The following MXRA7 variants were observed in gnomAD, a reference collection of about 807,000 sequenced individuals.
The protein encoded by MXRA7 is matrix remodeling associated 7.
A neutral mutation model predicts 17.4 loss-of-function variants in MXRA7; 18 were observed. The ratio of observed to expected loss-of-function variants is 1.03; its 90% CI spans 0.71 to 1.53. The LOEUF (loss-of-function observed/expected upper bound fraction) is 1.53. Ranked by LOEUF, MXRA7 falls within the 40% of genes most tolerant of loss-of-function variation. MXRA7 has a pLI of 0.00. For missense variants in MXRA7, 141 were observed against 209.3 expected (o/e 0.67, Z 2.01); for synonymous variants, 70 against 101.7 (o/e 0.69, Z 1.87).
intron 1 of MXRA7, among the ~76,000 whole-genome samples, chr17:76,691,399 G>C (rs866381200): frequency 6.6e-6 from 1 of 152,110 alleles, no homozygotes; most frequent in African/African-American, 2.4e-5. Context: ...CCTGAGCTCC[G>C]TAAGACGCTG....
At chr17:76,699,815 T>G (rs2076571953) in intron 1 of MXRA7, among the ~76,000 whole-genome samples, 1 of 152,160 alleles carries the variant, frequency 6.6e-6, no homozygotes, top group Non-Finnish European at 1.5e-5. Context: ...TACCCTAGGT[T>G]TGCAGAGACT....
chr17:76,688,828 G>T, intron 1 of MXRA7: 1 of 486,490 alleles, frequency 2.1e-6, no homozygotes, highest in Non-Finnish European at 3.2e-6. Context: ...GGGATTGAAG[G>T]TCATGGGGAG....
Position 76,681,400 on chromosome 17 carries a change from T to G in MXRA7, c.501-521A>C, listed in dbSNP as rs900583274. Among the ~76,000 whole-genome samples the G allele has an allele frequency of 1.3e-5, 2 of 151,974 alleles. No homozygotes were observed. Among genetic ancestry groups the G allele is most frequent in the Non-Finnish European group, 2.9e-5 (2 of 67,976 alleles). ...ACTGAGAACCCAGCAGGTCTGATCT[T>G]GTCCCTCTGACGCCCTCTCCTGGTG... On this transcript the variant is annotated intron_variant, in intron 3 of 3. Coordinates refer to ENST00000449428, the MANE Select transcript of MXRA7 (RefSeq NM_198530.4). The surrounding 1 kb of genome is among the most constrained non-coding windows in gnomAD (Gnocchi z 4.7).
At chr17:76,701,869 G>C (rs1374891027) in intron 1 of MXRA7, among the ~76,000 whole-genome samples, 1 of 152,188 alleles carries the variant, frequency 6.6e-6, no homozygotes, top group Non-Finnish European at 1.5e-5. Context: ...TTGCTCAGAT[G>C]ACTGGAGCAT....
intron 1 of MXRA7, among the ~76,000 whole-genome samples, chr17:76,696,751 C>T (rs1031176759): frequency 1.3e-5 from 2 of 152,030 alleles, no homozygotes; most frequent in East Asian, 1.9e-4. Flanking sequence ...TTCAGCTCAG[C>T]GTTGAATGAA....
At position 76,681,481 on chromosome 17, in the gene MXRA7, T is replaced by C. The variant is rs1341384656; in HGVS notation, c.501-602A>G. ...CTGGAAATTCACACTGGCAGGTCTA[T>C]TGTCTGTAGTTTCTTGCATACATCA... On this transcript the variant is annotated intron_variant, in intron 3 of 3. Coordinates refer to ENST00000449428, the MANE Select transcript of MXRA7 (RefSeq NM_198530.4). This position sits in a 1 kb window ranked among gnomAD's most constrained non-coding sequence, Gnocchi z 4.7. Among the ~76,000 whole-genome samples, 5 of 152,116 alleles carry C rather than the reference T, an allele frequency of 3.3e-5. No homozygotes were observed. Among genetic ancestry groups the C allele is most frequent in the African/African-American group, 7.2e-5 (3 of 41,394 alleles).
chr17:76,677,654 G>C (rs775760875), downstream of MXRA7: 2 of 1,613,964 alleles, frequency 1.2e-6, no homozygotes, highest in Non-Finnish European at 1.7e-6. Context: ...ACGTCTCCTT[G>C]TTGTCTTTCA....
intron 1 of MXRA7, among the ~76,000 whole-genome samples, chr17:76,704,128 T>C (rs2076626454): frequency 6.6e-6 from 1 of 150,936 alleles, no homozygotes; most frequent in Non-Finnish European, 1.5e-5. Flanking sequence ...AAGATAGCAT[T>C]GCTTCTACCA....
chr17:76,680,344 C>T lies in MXRA7; in HGVS notation c.*523G>A. ...ATCTCACCCCCGACAACCAAGCCAG[C>T]CACAGAGAGAAGTGGGGTTCCCAGG... On this transcript the variant is annotated 3_prime_UTR_variant, in exon 4 of 4. Coordinates refer to ENST00000449428, the MANE Select transcript of MXRA7 (RefSeq NM_198530.4). 1.0e-6 allele frequency: 1 copy of T among 985,514 alleles called. No individual in the cohort carries two copies. The highest frequency in any genetic ancestry group is 1.2e-6 in the Non-Finnish European group (1 of 830,056). The allele number at this position is 985,514 out of a possible 1,614,324, so 61.0% of individuals were successfully genotyped here.
intron 2 of MXRA7, among the ~76,000 whole-genome samples, chr17:76,685,918 C>T (rs1221247345): frequency 1.3e-5 from 2 of 152,202 alleles, no homozygotes; most frequent in African/African-American, 4.8e-5. Flanking sequence ...GTTCCTGAAT[C>T]CAGCAGGTGT....
At position 76,685,024 on chromosome 17, in the gene MXRA7, C is replaced by T. The variant is rs201059015; in HGVS notation, c.500+48G>A. 355 of 1,520,308 alleles carry T rather than the reference C, an allele frequency of 2.3e-4. 5 individuals carry two copies. The East Asian group carries it at 5.3e-3, about 23-fold the overall frequency. 94.2% of individuals were successfully genotyped at this position (1,520,308 alleles called of 1,614,324 possible). On this transcript the variant is annotated intron_variant, in intron 3 of 3. Transcript: ENST00000449428. ...ACATGAAGGGCTCAGAGGGGCACCC[C>T]CCTCCCCCAAGAGCCCGCCAGGCGC...
At chr17:76,698,712 GTTTTTTTTTT>G (rs3078394) in intron 1 of MXRA7, among the ~76,000 whole-genome samples, 3 of 54,884 alleles carry the variant, frequency 5.5e-5, no homozygotes, top group Non-Finnish European at 6.8e-5. Context: ...CTTCCTTTCT[GTTTTTTTTTT>G]TTTTTTTTTT....
chr17:76,691,332 G>T (rs541347643), intron 1 of MXRA7, among the ~76,000 whole-genome samples: 9 of 152,310 alleles, frequency 5.9e-5, no homozygotes, highest in African/African-American at 2.2e-4. Flanking sequence ...CCATCTGGCT[G>T]TTCATCTGTA....
exon 4 of MXRA7, chr17:76,673,701 A>G (rs1190977228): frequency 2.0e-5 from 3 of 152,216 alleles, no homozygotes; most frequent in Non-Finnish European, 1.5e-5. Flanking sequence ...ATTAAAAAAA[A>G]AAAAGGAAAA....
intron 1 of MXRA7, among the ~76,000 whole-genome samples, chr17:76,707,291 C>T (rs1021452173): frequency 4.2e-5 from 4 of 96,092 alleles, no homozygotes; most frequent in African/African-American, 1.9e-4. Flanking sequence ...AGTCCCTACT[C>T]TTTTTTTTTT....
chr17:76,688,232 G>GT, intron 1 of MXRA7, 56 bp from the exon 2 acceptor site: 9 of 1,609,958 alleles, frequency 5.6e-6, no homozygotes, highest in Non-Finnish European at 7.6e-6. Context: ...ATGGGAAGTG[G>GT]TGGGGGGGCA....
intron 1 of MXRA7, among the ~76,000 whole-genome samples, chr17:76,710,351 G>A (rs35088455): frequency 0.82 from 124,749 of 152,158 alleles, 52,853 homozygotes; most frequent in Non-Finnish European, 0.92. Flanking sequence ...GCCGAGGGGA[G>A]GGGAGAGCAA....
At chr17:76,706,805 TTC>T (rs2076667154) in intron 1 of MXRA7, among the ~76,000 whole-genome samples, 1 of 152,252 alleles carries the variant, frequency 6.6e-6, no homozygotes, top group Non-Finnish European at 1.5e-5. Flanking sequence ...TGTTCCAACA[TTC>T]TCTTTTGAAA....
At chr17:76,683,904 G>C (rs2076348399) in intron 3 of MXRA7, 6 of 1,613,984 alleles carry the variant, frequency 3.7e-6, no homozygotes, top group Admixed American at 3.3e-5. Flanking sequence ...CTACAGGGAA[G>C]TGAGGTCAGA....
Sources: allele counts gnomAD v4.1 joint callset (sites outside exome capture counted in the v4.1 genomes callset), GRCh38; gene constraint gnomAD v4.1.1; non-coding constraint Gnocchi (gnomAD v3.1); transcripts MANE v1.5; gene names NCBI Gene and HGNC (gene_info 2026-07-23, HGNC 2026-07-21).